Variants in NDUFA5 observed in about 807,000 individuals in gnomAD.
The protein encoded by NDUFA5 is NADH dehydrogenase [ubiquinone] 1 alpha subcomplex subunit 5.
NDUFA5 carries 11 observed loss-of-function variants against 19.8 expected under a neutral mutation model. The ratio of observed to expected loss-of-function variants is 0.56; its 90% CI spans 0.35 to 0.92. The LOEUF is 0.92. Among genes scored for constraint, NDUFA5 ranks in the 40% least tolerant of loss-of-function variants. The probability of loss-of-function intolerance (pLI) is 0.01; values close to 1 mark genes in which losing one functional copy is unlikely to be tolerated. For synonymous variants in NDUFA5, 47 were observed against 46.8 expected (o/e 1.00, Z -0.01); for missense variants, 109 against 134.2 (o/e 0.81, Z 0.93).
chr7:123,593,218 T>C, the NDUFA5 span, among the ~76,000 whole-genome samples: 1 of 152,314 alleles, frequency 6.6e-6, no homozygotes, highest in East Asian at 1.9e-4. Context: ...GTCTTGACTT[T>C]TTATCCAATT....
At chr7:123,563,552 A>C in the NDUFA5 span, among the ~76,000 whole-genome samples, 1 of 152,350 alleles carries the variant, frequency 6.6e-6, no homozygotes, top group African/African-American at 2.4e-5. Flanking sequence ...ATAAGGAAGA[A>C]GTTTGAAATA....
chr7:123,557,366 T>G lies in NDUFA5; in HGVS notation c.66+38A>C, dbSNP rs1160361648. On this transcript the variant is annotated intron_variant, in intron 2 of 4. Transcript: ENST00000355749. Reference sequence around the variant, plus strand: ...AAAGTGACAGGAATTTAGTCTTCCTTGGGAATTCAAGAACGAAGAAAGAAC... The same window carrying G: ...AAAGTGACAGGAATTTAGTCTTCCTGGGGAATTCAAGAACGAAGAAAGAAC... The G allele has an allele frequency of 7.4e-6, 12 of 1,613,058 alleles. No individual in the cohort carries two copies. The African/African-American group carries it at 1.1e-4, about 14-fold the overall frequency.
chr7:123,579,896 G>C, the NDUFA5 span, among the ~76,000 whole-genome samples: 1 of 151,998 alleles, frequency 6.6e-6, no homozygotes, highest in African/African-American at 2.4e-5. Flanking sequence ...TAGGTCTCTA[G>C]GTTTTCAATT....
Position 123,545,637 on chromosome 7 carries a change from C to A in NDUFA5, c.223G>T (p.Gly75Cys), listed in dbSNP as rs548942692. ...VKKLEDQLQG[G>C]QLEEVILQAE... ...TGAAGAATCACCTCTTCTAATTGAC[C>A]GCCTTGAAGTTGGTCTTCTAATTTT... The change falls in exon 4 of 5, where the codon GGT becomes TGT. Residue 75 changes from glycine to cysteine, a missense_variant. By Grantham distance (159) the Gly-to-Cys change is radical. Transcript: ENST00000355749. 2 of 1,610,236 alleles carry A rather than the reference C, an allele frequency of 1.2e-6. No homozygotes were observed. Among genetic ancestry groups the A allele is most frequent in the Non-Finnish European group, 1.7e-6 (2 of 1,178,548 alleles).
intron 2 of NDUFA5, chr7:123,555,783 A>C (rs916337562): frequency 6.6e-6 from 1 of 152,234 alleles, no homozygotes; most frequent in African/African-American, 2.4e-5. Context: ...AACAAAATAA[A>C]TCAGTAGAAT....
At chr7:123,594,382 C>A in the NDUFA5 span, among the ~76,000 whole-genome samples, 44,685 of 151,958 alleles carry the variant, frequency 0.29, 6,702 homozygotes, top group East Asian at 0.4. Context: ...GAATTTTCAG[C>A]CTTTCTGCTC....
At chr7:123,554,029 G>A (rs531892165) in intron 2 of NDUFA5, among the ~76,000 whole-genome samples, 7 of 152,268 alleles carry the variant, frequency 4.6e-5, no homozygotes, top group African/African-American at 1.4e-4. Flanking sequence ...GCAAACATAA[G>A]GAAGTGGTAT....
the NDUFA5 span, among the ~76,000 whole-genome samples, chr7:123,593,910 G>A: frequency 6.6e-6 from 1 of 152,100 alleles, no homozygotes; most frequent in African/African-American, 2.4e-5. Context: ...TCACTTTCAG[G>A]TACACCAATC....
Position 123,538,814 on chromosome 7 carries a change from T to C in NDUFA5, c.*3305A>G, listed in dbSNP as rs184725183. 1 of 152,212 alleles carries C rather than the reference T, an allele frequency of 6.6e-6. No individual in the cohort carries two copies. Among genetic ancestry groups the C allele is most frequent in the Non-Finnish European group, 1.5e-5 (1 of 68,042 alleles). 9.4% of individuals were successfully genotyped at this position (152,212 alleles called of 1,614,324 possible). A position where few individuals can be genotyped will look rare whatever the true frequency, so the allele number is the denominator to read the frequency against. On this transcript the variant is annotated 3_prime_UTR_variant, in exon 5 of 5. Coordinates refer to ENST00000355749, the MANE Select transcript of NDUFA5 (RefSeq NM_005000.5). ...ACTTGTGTAGGGTGTTAGACTTCTGTATGTTTACATAATCATAGAGGATGG... is the reference window on the plus strand; with the variant it reads ...ACTTGTGTAGGGTGTTAGACTTCTGCATGTTTACATAATCATAGAGGATGG...
the NDUFA5 span, among the ~76,000 whole-genome samples, chr7:123,570,547 G>T: frequency 6.6e-6 from 1 of 152,124 alleles, no homozygotes; most frequent in African/African-American, 2.4e-5. Flanking sequence ...AACACACTAA[G>T]AAACTGGCTT....
chr7:123,586,594 T>G, the NDUFA5 span, among the ~76,000 whole-genome samples: 2 of 151,842 alleles, frequency 1.3e-5, no homozygotes, highest in African/African-American at 2.4e-5. Context: ...TTTTATTGCC[T>G]GTCCTTTTGG....
At chr7:123,585,586 TACC>T in the NDUFA5 span, among the ~76,000 whole-genome samples, 1 of 151,756 alleles carries the variant, frequency 6.6e-6, no homozygotes. Flanking sequence ...GTGAAATGAT[TACC>T]ACAACCAAGC....
the NDUFA5 span, among the ~76,000 whole-genome samples, chr7:123,578,635 T>A: frequency 6.6e-6 from 1 of 151,964 alleles, no homozygotes; most frequent in East Asian, 1.9e-4. Context: ...TCTTTTAATA[T>A]CTGAGCTAAT....
chr7:123,543,802 C>T (rs866770998), intron 4 of NDUFA5, among the ~76,000 whole-genome samples: 1 of 151,950 alleles, frequency 6.6e-6, no homozygotes, highest in Admixed American at 6.6e-5. Context: ...ATAAGGTTTG[C>T]GGCAAGTTCC....
intron 2 of NDUFA5, among the ~76,000 whole-genome samples, chr7:123,551,211 C>CTT (rs113161747): frequency 1.0e-4 from 13 of 128,180 alleles, no homozygotes; most frequent in South Asian, 5.4e-4. Context: ...TTCTTTCTTT[C>CTT]TTTTTTTTTT....
At chr7:123,571,300 T>C in the NDUFA5 span, among the ~76,000 whole-genome samples, 1 of 152,224 alleles carries the variant, frequency 6.6e-6, no homozygotes, top group Non-Finnish European at 1.5e-5. Context: ...TCATTTTCGT[T>C]GTACTGTGGT....
chr7:123,594,289 C>G, the NDUFA5 span, among the ~76,000 whole-genome samples: 2 of 152,094 alleles, frequency 1.3e-5, no homozygotes, highest in Non-Finnish European at 2.9e-5. Context: ...GTCAACTCGT[C>G]AAACTCATTC....
the NDUFA5 span, among the ~76,000 whole-genome samples, chr7:123,593,334 T>C: frequency 6.6e-6 from 1 of 152,206 alleles, no homozygotes; most frequent in Admixed American, 6.5e-5. Flanking sequence ...CTGGTTATTT[T>C]GCCCGTTAAT....
At chr7:123,582,768 C>G in the NDUFA5 span, among the ~76,000 whole-genome samples, 1 of 152,110 alleles carries the variant, frequency 6.6e-6, no homozygotes, top group African/African-American at 2.4e-5. Context: ...ATCATCTATT[C>G]ATCCCCTCCA....
Sources: allele counts gnomAD v4.1 joint callset (sites outside exome capture counted in the v4.1 genomes callset), GRCh38; gene constraint gnomAD v4.1.1; transcripts MANE v1.5; gene names NCBI Gene and HGNC (gene_info 2026-07-23, HGNC 2026-07-21).